Variants in RXRA observed in about 807,000 individuals in gnomAD.
RXRA encodes the protein retinoic acid receptor RXR-alpha.
A neutral mutation model predicts 44.5 loss-of-function variants in RXRA; 5 were observed. The ratio of observed to expected loss-of-function variants is 0.11; its 90% CI spans 0.06 to 0.24. The LOEUF (loss-of-function observed/expected upper bound fraction) is 0.24. Among genes scored for constraint, RXRA ranks in the 10% least tolerant of loss-of-function variants. The probability of loss-of-function intolerance (pLI) is 1.00; values close to 1 mark genes in which losing one functional copy is unlikely to be tolerated. For synonymous variants in RXRA, 291 were observed against 271.4 expected (o/e 1.07, Z -0.71); for missense variants, 412 against 646.5 (o/e 0.64, Z 3.93).
At chr9:134,336,085 G>A (rs560338062) in intron 1 of RXRA, among the ~76,000 whole-genome samples, 1 of 152,338 alleles carries the variant, frequency 6.6e-6, no homozygotes, top group East Asian at 1.9e-4. Context: ...GATCAAGGTC[G>A]AGGTGTAGGG....
At chr9:134,392,489 G>T (rs1205264108) in intron 1 of RXRA, among the ~76,000 whole-genome samples, 1 of 152,176 alleles carries the variant, frequency 6.6e-6, no homozygotes, top group Non-Finnish European at 1.5e-5. Flanking sequence ...TCCTTTTTGG[G>T]AACCAGTGGA....
intron 2 of RXRA, 118 bp downstream of exon 2, chr9:134,402,000 G>A (rs1363483261): frequency 1.0e-5 from 9 of 860,960 alleles, no homozygotes; most frequent in Non-Finnish European, 1.6e-5. Context: ...TGGTCTCCCC[G>A]CTTGACGCAG....
At position 134,376,024 on chromosome 9, in the gene RXRA, G is replaced by A. The variant is rs35060790; in HGVS notation, c.29-25608G>A. ...CTGCTGGCCTCCCTTCTCCGCATGCGGGCAGATCATGACAAGCCTTGCTAT... is the reference window on the plus strand; with the variant it reads ...CTGCTGGCCTCCCTTCTCCGCATGCAGGCAGATCATGACAAGCCTTGCTAT... On this transcript the variant is annotated intron_variant, in intron 1 of 9. Transcript: ENST00000481739. Among the ~76,000 whole-genome samples the A allele has an allele frequency of 6.4e-3, 946 of 148,478 alleles. 3 individuals are homozygous for A. The highest frequency in any genetic ancestry group is 0.028 in the Middle Eastern group (8 of 288).
intron 6 of RXRA, chr9:134,422,532 C>CGGGACACTCCCCCCTCCT: frequency 8.3e-7 from 1 of 1,211,328 alleles, no homozygotes; most frequent in Non-Finnish European, 1.1e-6. Context: ...TCCCCCCTTC[C>CGGGACACTCCCCCCTCCT]GGGACACTCC....
rs1410778534 is a variant in RXRA at position 134,377,481 on chromosome 9, G to A, written c.29-24151G>A. On this transcript the variant is annotated intron_variant, in intron 1 of 9. Coordinates refer to ENST00000481739, the MANE Select transcript of RXRA (RefSeq NM_002957.6). ...CAGCCCTGCGTGTGCTGGCATCACC[G>A]CTCGGGAAGGCATGCGTGTCCTTCC... is the stretch of plus-strand genomic sequence containing the variant. Among the ~76,000 whole-genome samples, 6 of 152,266 alleles carry A rather than the reference G, an allele frequency of 3.9e-5. No individual in the cohort carries two copies. The South Asian group carries it at 8.3e-4, about 21-fold the overall frequency.
At chr9:134,337,737 G>A (rs1186732533) in intron 1 of RXRA, among the ~76,000 whole-genome samples, 2 of 152,112 alleles carry the variant, frequency 1.3e-5, no homozygotes, top group Admixed American at 6.5e-5. Context: ...TTGCGTCGTC[G>A]AAGGTTTCCA....
chr9:134,411,422 A>G (rs1831146952), intron 4 of RXRA, among the ~76,000 whole-genome samples: 1 of 151,902 alleles, frequency 6.6e-6, no homozygotes, highest in African/African-American at 2.4e-5. Flanking sequence ...CACCCTGGAC[A>G]CCCCCTTCCT....
Position 134,363,535 on chromosome 9 carries a change from C to T in RXRA, c.28+36876C>T, listed in dbSNP as rs186567518. Reference sequence around the variant, plus strand: ...GGCAGTGTGTCTGTGGGGCAGTTTGCTTCTGTCCTGTTTCTGGGATGGGCC... The same window carrying T: ...GGCAGTGTGTCTGTGGGGCAGTTTGTTTCTGTCCTGTTTCTGGGATGGGCC... On this transcript the variant is annotated intron_variant, in intron 1 of 9. Transcript: ENST00000481739. 6.0e-3 allele frequency among the ~76,000 whole-genome samples: 908 copies of T among 152,368 alleles called. 9 individuals are homozygous for T. Among genetic ancestry groups the T allele is most frequent in the African/African-American group, 0.021 (860 of 41,588 alleles).
rs3927491 is a variant in RXRA at position 134,421,873 on chromosome 9, C to G, written c.910+68C>G. The G allele has an allele frequency of 2.6e-5, 41 of 1,582,538 alleles. No individual in the cohort carries two copies. In the Admixed American group the frequency reaches 5.0e-4, roughly 19 times the overall value. ...TGGGACACGTACCAGGACACTCCCC[C>G]CTCCCGGGATACTCCGCACTCCCGG... On this transcript the variant is annotated intron_variant, in intron 6 of 9. Coordinates refer to ENST00000481739, the MANE Select transcript of RXRA (RefSeq NM_002957.6).
intron 1 of RXRA, among the ~76,000 whole-genome samples, chr9:134,337,660 C>G: frequency 6.6e-6 from 1 of 152,112 alleles, no homozygotes; most frequent in East Asian, 1.9e-4. Flanking sequence ...TGAATTGGGT[C>G]ATGAAGGATG....
At position 134,349,731 on chromosome 9, in the gene RXRA, G is replaced by T. The variant is rs1306285818; in HGVS notation, c.28+23072G>T. Among the ~76,000 whole-genome samples the T allele has an allele frequency of 6.6e-6, 1 of 151,514 alleles. No homozygotes were observed. Among genetic ancestry groups the T allele is most frequent in the East Asian group, 1.9e-4 (1 of 5,136 alleles). ...ATGCCTGTCTCCCTGGAGGCGCAGGGCTGTGCACAGGATTCCCCAGGGCTG... is the reference window on the plus strand; with the variant it reads ...ATGCCTGTCTCCCTGGAGGCGCAGGTCTGTGCACAGGATTCCCCAGGGCTG... On this transcript the variant is annotated intron_variant, in intron 1 of 9. Coordinates refer to ENST00000481739, the MANE Select transcript of RXRA (RefSeq NM_002957.6). This position sits in a 1 kb window ranked among gnomAD's most constrained non-coding sequence, Gnocchi z 4.3.
At chr9:134,347,437 C>G (rs1487845299) in intron 1 of RXRA, among the ~76,000 whole-genome samples, 1 of 152,186 alleles carries the variant, frequency 6.6e-6, no homozygotes, top group Non-Finnish European at 1.5e-5. Flanking sequence ...AGGCAGACAC[C>G]GTGCCGTCCA....
chr9:134,408,842 G>C, intron 3 of RXRA, 98 bp from the exon 4 acceptor site: 1 of 1,211,000 alleles, frequency 8.3e-7, no homozygotes, highest in Non-Finnish European at 1.1e-6. Flanking sequence ...CCTTTCTGAG[G>C]CCTGGCCCGC....
chr9:134,367,144 G>C lies in RXRA; in HGVS notation c.29-34488G>C, dbSNP rs534407874. On this transcript the variant is annotated intron_variant, in intron 1 of 9. Coordinates refer to ENST00000481739, the MANE Select transcript of RXRA (RefSeq NM_002957.6). ...CCACAGCCAGCTTTAGAATTTCGAA[G>C]CACTTCCACCAACCCCCCAAAAGAA... Among the ~76,000 whole-genome samples, 4 of 152,282 alleles carry C rather than the reference G, an allele frequency of 2.6e-5. No individual in the cohort carries two copies. The South Asian group carries it at 6.2e-4, about 24-fold the overall frequency.
chr9:134,393,585 G>T (rs1361128423), intron 1 of RXRA, among the ~76,000 whole-genome samples: 1 of 152,256 alleles, frequency 6.6e-6, no homozygotes, highest in Admixed American at 6.5e-5. Context: ...ATATCTGGTT[G>T]AATGTAGCTG....
rs190357139 is a variant in RXRA at position 134,330,132 on chromosome 9, C to G, written c.28+3473C>G. Among the ~76,000 whole-genome samples, 7 of 152,328 alleles carry G rather than the reference C, an allele frequency of 4.6e-5. No individual in the cohort carries two copies. The East Asian group carries it at 1.4e-3, about 29-fold the overall frequency. On this transcript the variant is annotated intron_variant, in intron 1 of 9. Coordinates refer to ENST00000481739, the MANE Select transcript of RXRA (RefSeq NM_002957.6). ...TGGGACCTCGAGTGGTGAGCAATGC[C>G]TGTCCTCTGGAGAAGAGGGCACAGC...
chr9:134,408,129 G>T lies in RXRA; in HGVS notation c.280-20G>T. The T allele has an allele frequency of 1.3e-6, 2 of 1,523,794 alleles. No homozygotes were observed. The highest frequency in any genetic ancestry group is 2.6e-5 in the South Asian group (2 of 77,284). The allele number at this position is 1,523,794 out of a possible 1,614,324, so 94.4% of individuals were successfully genotyped here. On this transcript the variant is annotated intron_variant, in intron 2 of 9. Coordinates refer to ENST00000481739, the MANE Select transcript of RXRA (RefSeq NM_002957.6). ...AAACCTGGTGTACACCCCGCTGACT[G>T]CTGTGGTTGCCCCCCCCAGCTCAGC...
At chr9:134,411,178 A>AAGTCGGTGATGGCCTTTCTGAG (rs1831142460) in intron 4 of RXRA, among the ~76,000 whole-genome samples, 1 of 152,042 alleles carries the variant, frequency 6.6e-6, no homozygotes, top group Non-Finnish European at 1.5e-5. Flanking sequence ...CCCGTCCCGG[A>AAGTCGGTGATGGCCTTTCTGAG]CCCTCCAGGC....
At chr9:134,339,145 C>T (rs556689017) in intron 1 of RXRA, among the ~76,000 whole-genome samples, 11 of 152,364 alleles carry the variant, frequency 7.2e-5, no homozygotes, top group African/African-American at 2.6e-4. Context: ...GGCCCTGCCT[C>T]CCTGTGCCCT....
Sources: allele counts gnomAD v4.1 joint callset (sites outside exome capture counted in the v4.1 genomes callset), GRCh38; gene constraint gnomAD v4.1.1; non-coding constraint Gnocchi (gnomAD v3.1); transcripts MANE v1.5; gene names NCBI Gene and HGNC (gene_info 2026-07-23, HGNC 2026-07-21).